The following TTC16 variants were observed in gnomAD, a reference collection of about 807,000 sequenced individuals.
TTC16 encodes the protein tetratricopeptide repeat domain 16.
In TTC16, 66 loss-of-function variants were observed where a neutral mutation model predicts 80.4. That is an observed-to-expected ratio of 0.82 (90% confidence interval 0.67 to 1.01). The LOEUF is 1.01. TTC16 is among the 50% of genes least tolerant of loss of function. The probability of loss-of-function intolerance (pLI) is 0.00; values close to 1 mark genes in which losing one functional copy is unlikely to be tolerated. For missense variants in TTC16, 1,070 were observed against 1,103.2 expected (o/e 0.97, Z 0.43); for synonymous variants, 438 against 451.3 (o/e 0.97, Z 0.37).
At chr9:127,716,607 G>A in intron 1 of TTC16, 1 of 587,026 alleles carries the variant, frequency 1.7e-6, no homozygotes, top group East Asian at 2.9e-5. Flanking sequence ...GTAAGCATGA[G>A]GACCCTGATC....
chr9:127,723,720 A>AT (rs1217070318), intron 7 of TTC16, among the ~76,000 whole-genome samples: 1 of 152,118 alleles, frequency 6.6e-6, no homozygotes, highest in African/African-American at 2.4e-5. Flanking sequence ...CACCCAGCCA[A>AT]TCTCTCCCTA....
rs1588450988 is a variant in TTC16 at position 127,726,354 on chromosome 9, G to C, written c.1375G>C (p.Ala459Pro). 6.2e-7 allele frequency: 1 copy of C among 1,611,824 alleles called. No homozygotes were observed. Among genetic ancestry groups the C allele is most frequent in the Middle Eastern group, 1.7e-4 (1 of 6,054 alleles). The part of the protein sequence containing the change: ...SRQLLQNIFG[A>P]RQDVATVLLL... ...GCAGCTGCTGCAGAACATTTTTGGGGCCCGCCAGGATGTGGCCACTGTCCT... is the reference window on the plus strand; with the variant it reads ...GCAGCTGCTGCAGAACATTTTTGGGCCCCGCCAGGATGTGGCCACTGTCCT... The change falls in exon 10 of 14, where the codon GCC (alanine) becomes CCC (proline). Residue 459 changes from alanine (A) to proline (P), a missense_variant. Ala to Pro is a conservative substitution (Grantham distance 27, BLOSUM62 -1). Coordinates refer to ENST00000373289, the MANE Select transcript of TTC16 (RefSeq NM_144965.3).
rs1334457264 is a variant in TTC16, at chr9:127,724,832, C to T, written c.1194C>T (p.Asp398=). Residue 398 remains aspartate (D), a synonymous_variant, in exon 9 of 14, where the codon GAC becomes GAT. Transcript: ENST00000373289. ...YQQALALSPQ[D]EGANTRMGLL... ...AGGCGCTGGCGCTGAGCCCTCAGGA[C>T]GAGGGCGCCAACACGCGCATGGGCC... The T allele has an allele frequency of 1.2e-6, 2 of 1,603,506 alleles. No individual in the cohort carries two copies. Among genetic ancestry groups the T allele is most frequent in the South Asian group, 1.1e-5 (1 of 89,716 alleles).
In TTC16 at chr9:127,726,232, C is replaced by T. The variant is rs374353091; in HGVS notation, c.1260-7C>T. On this transcript the variant is annotated splice_polypyrimidine_tract_variant and splice_region_variant and intron_variant, in intron 9 of 13. Transcript: ENST00000373289. ...CATAGCAGCTTGGGACCCACTGTGT[C>T]GTGCAGGCAGTTCCAGAAGGCAGAG... 4 of 1,576,620 alleles carry T rather than the reference C, an allele frequency of 2.5e-6. No homozygotes were observed. The highest frequency in any genetic ancestry group is 1.4e-5 in the African/African-American group (1 of 73,906).
rs1844408607 is a variant in TTC16, at chr9:127,731,381, C to A, written c.2598C>A (p.Asp866Glu). The change falls in exon 14 of 14, where the codon GAC (aspartate) becomes GAA (glutamate). Residue 866 changes from aspartate (D) to glutamate (E), a missense_variant. Asp to Glu is a conservative substitution (Grantham distance 45). Coordinates refer to ENST00000373289, the MANE Select transcript of TTC16 (RefSeq NM_144965.3). ...TCAGCAAAACTGAGGTTGATCAGGA[C>A]CTCACCTACTATGAAGCTGTCTGAA... ...PSLSKTEVDQDLTYYEAV is the reference protein window; with the variant it reads ...PSLSKTEVDQELTYYEAV 2.5e-6 allele frequency: 4 copies of A among 1,612,538 alleles called. No homozygotes were observed. Among genetic ancestry groups the A allele is most frequent in the African/African-American group, 2.7e-5 (2 of 74,932 alleles).
chr9:127,718,742 T>A lies in TTC16; in HGVS notation c.426+970T>A, dbSNP rs1843235904. 6.6e-6 allele frequency among the ~76,000 whole-genome samples: 1 copy of A among 151,958 alleles called. No individual in the cohort carries two copies. The highest frequency in any genetic ancestry group is 2.1e-4 in the South Asian group (1 of 4,822). On this transcript the variant is annotated intron_variant, in intron 4 of 13. Transcript: ENST00000373289. This position sits in a 1 kb window ranked among gnomAD's most constrained non-coding sequence, Gnocchi z 4.6. ...AAGTAGCTAGGATTACAGATGTGCA[T>A]CAACATGCCTGGCTAATTTTTGTAC...
chr9:127,730,762 A>G lies in TTC16; in HGVS notation c.1979A>G (p.Asn660Ser). ...LLKTQSSDSG[N>S]NREALSHGPR... The stretch of plus-strand genomic sequence containing the variant: ...AAGACGCAATCCTCGGACTCTGGGA[A>G]CAACAGGGAGGCACTAAGCCATGGT... The change falls in exon 14 of 14, where the codon AAC becomes AGC. Residue 660 changes from asparagine (N) to serine (S), a missense_variant. Asn to Ser is a conservative substitution (Grantham distance 46). Transcript: ENST00000373289. 3 of 1,613,748 alleles carry G rather than the reference A, an allele frequency of 1.9e-6. No individual in the cohort carries two copies.
intron 8 of TTC16, 188 bp from the exon 9 acceptor site, chr9:127,724,568 T>G (rs1843759636): frequency 2.7e-6 from 3 of 1,097,806 alleles, no homozygotes; most frequent in Admixed American, 2.8e-5. Flanking sequence ...CCAGACTCCT[T>G]AAAATGCTCA....
At position 127,730,672 on chromosome 9, in the gene TTC16, C is replaced by T. The variant is rs2131700444; in HGVS notation, c.1889C>T (p.Ala630Val). Residue 630 changes from alanine to valine, a missense_variant, in exon 14 of 14, where the codon GCT becomes GTT. By Grantham distance (64) the Ala-to-Val change is moderately conservative. Coordinates refer to ENST00000373289, the MANE Select transcript of TTC16 (RefSeq NM_144965.3). ...GGCACCTCAGAGACTGAGATGTCGG[C>T]TATCTGCCAGGAATACAGGAGCACC... ...TTGTSETEMSAICQEYRSTSA... is the reference protein window; with the variant it reads ...TTGTSETEMSVICQEYRSTSA... 1 of 1,613,074 alleles carries T rather than the reference C, an allele frequency of 6.2e-7. No individual in the cohort carries two copies. The highest frequency in any genetic ancestry group is 1.1e-5 in the South Asian group (1 of 91,082).
chr9:127,720,208 G>A (rs1239273235), intron 5 of TTC16, 30 bp downstream of exon 5: 2 of 1,613,314 alleles, frequency 1.2e-6, no homozygotes, highest in East Asian at 2.2e-5. Flanking sequence ...CCTTCTCCCA[G>A]CACCCACTTC....
In TTC16 at chr9:127,726,999, G is replaced by A. The variant is rs371924248; in HGVS notation, c.1455G>A (p.Pro485=). ...CCCTGCTGATGACCAACCTCTTCCCGGGCATGTCGGTGGAGGAGGTGCTTA... is the reference window on the plus strand; with the variant it reads ...CCCTGCTGATGACCAACCTCTTCCCAGGCATGTCGGTGGAGGAGGTGCTTA... ...KLSLLMTNLF[P]GMSVEEVLST... Residue 485 remains proline (P), a synonymous_variant, in exon 11 of 14, where the codon CCG becomes CCA. Transcript: ENST00000373289. 54 of 1,612,946 alleles carry A rather than the reference G, an allele frequency of 3.3e-5. No individual in the cohort carries two copies. Among genetic ancestry groups the A allele is most frequent in the East Asian group, 1.8e-4 (8 of 44,882 alleles).
chr9:127,730,305 G>T, intron 13 of TTC16: 1 of 391,098 alleles, frequency 2.6e-6, no homozygotes, highest in South Asian at 3.5e-5. Context: ...TGGGGACGAG[G>T]ATGGAAAAGC....
At chr9:127,730,352 T>C in intron 13 of TTC16, 3 of 489,512 alleles carry the variant, frequency 6.1e-6, no homozygotes, top group East Asian at 3.4e-5. Flanking sequence ...GGGGCCCTGC[T>C]GGGGCTGTCT....
chr9:127,717,906 T>G, intron 4 of TTC16, 134 bp downstream of exon 4: 1 of 1,190,452 alleles, frequency 8.4e-7, no homozygotes, highest in Non-Finnish European at 1.1e-6. Context: ...GCTGCCCCTC[T>G]CACCTCCAAG....
In TTC16 at chr9:127,720,389, C is replaced by G; in HGVS notation, c.651C>G (p.Leu217=). The change falls in exon 6 of 14, where the codon CTC becomes CTG. Residue 217 remains leucine, a synonymous_variant. Transcript: ENST00000373289. ...TCCGGGCCAGACTCTACAACTTTCT[C>G]CAGAAGGTACAGTGGGGAGGGCGGG... is the stretch of plus-strand genomic sequence containing the variant. ...YIFRARLYNF[L]QKPHLCYRDL... 3 of 1,612,992 alleles carry G rather than the reference C, an allele frequency of 1.9e-6. No homozygotes were observed. The highest frequency in any genetic ancestry group is 2.5e-6 in the Non-Finnish European group (3 of 1,179,930).
chr9:127,730,536 TG>T, intron 13 of TTC16, 99 bp from the exon 14 acceptor site: 2 of 1,511,740 alleles, frequency 1.3e-6, no homozygotes, highest in South Asian at 1.3e-5. Context: ...GCGAAGCCTC[TG>T]GGCCACAGGC....
chr9:127,726,805 A>C (rs1402473445), intron 10 of TTC16, among the ~76,000 whole-genome samples, 165 bp from the exon 11 acceptor site: 113 of 21,494 alleles, frequency 5.3e-3, no homozygotes, highest in African/African-American at 0.033. Flanking sequence ...AAAAAAAAAA[A>C]AAAAAAAAAA....
intron 7 of TTC16, 70 bp downstream of exon 7, chr9:127,723,403 G>C (rs980992587): frequency 1.8e-5 from 26 of 1,467,936 alleles, no homozygotes; most frequent in Non-Finnish European, 2.4e-5. Context: ...GTGGTTTAAG[G>C]AGAGTCCCTG....
chr9:127,721,778 A>G (rs1161031640), intron 6 of TTC16, among the ~76,000 whole-genome samples: 1 of 152,026 alleles, frequency 6.6e-6, no homozygotes, highest in Non-Finnish European at 1.5e-5. Flanking sequence ...ATCTCGGCTC[A>G]CCACAACCTC....
Sources: gnomAD v4.1 joint callset for allele counts (sites outside exome capture counted in the v4.1 genomes callset) on GRCh38, gnomAD v4.1.1 for gene constraint, Gnocchi (gnomAD v3.1) non-coding constraint, MANE v1.5 for transcripts, NCBI Gene and HGNC (gene_info 2026-07-23, HGNC 2026-07-21) for gene names.